Variants in DGKB observed in about 807,000 individuals in gnomAD.
DGKB encodes the protein diacylglycerol kinase beta.
In DGKB, 67 loss-of-function variants were observed where a neutral mutation model predicts 114.3. That is an observed-to-expected ratio of 0.59 (90% CI 0.48 to 0.72). The LOEUF is 0.72. Among genes scored for constraint, DGKB ranks in the 30% least tolerant of loss-of-function variants. The probability of loss-of-function intolerance (pLI) is 0.00; values close to 1 mark genes in which losing one functional copy is unlikely to be tolerated. For missense variants in DGKB, 907 were observed against 975.2 expected, an observed-to-expected ratio of 0.93 and a Z score of 0.93; for synonymous variants, 398 against 323.1, an observed-to-expected ratio of 1.23 and a Z score of -2.49.
At chr7:14,923,884 A>G (rs1339484216) in intron 1 of DGKB, among the ~76,000 whole-genome samples, 3 of 150,172 alleles carry the variant, frequency 2.0e-5, no homozygotes, top group Admixed American at 6.7e-5. Context: ...AATCCCAGCT[A>G]CTTGGGAGGC....
chr7:14,874,175 T>C (rs182112513), intron 1 of DGKB, among the ~76,000 whole-genome samples: 133 of 152,208 alleles, frequency 8.7e-4, no homozygotes, highest in African/African-American at 2.9e-3. Flanking sequence ...TTGAGAAACT[T>C]GTTTTAAAAT....
At chr7:14,916,587 TAAG>T (rs1288417500) in intron 1 of DGKB, among the ~76,000 whole-genome samples, 3 of 152,100 alleles carry the variant, frequency 2.0e-5, no homozygotes, top group Non-Finnish European at 2.9e-5. Context: ...GACAATTCCC[TAAG>T]AAGGCATAAT....
intron 19 of DGKB, 101 bp from the exon 20 acceptor site, chr7:14,574,473 G>T: frequency 1.0e-6 from 1 of 958,044 alleles, no homozygotes; most frequent in Non-Finnish European, 1.5e-6. Context: ...TATTCTAAAG[G>T]TAAATAATGA....
intron 5 of DGKB, among the ~76,000 whole-genome samples, chr7:14,723,271 A>C (rs1391411493): frequency 6.6e-6 from 1 of 152,192 alleles, no homozygotes. Flanking sequence ...TTCTAGCAGC[A>C]ATAGCCTCTG....
chr7:14,930,779 G>A (rs973684052), intron 1 of DGKB, among the ~76,000 whole-genome samples: 1 of 152,100 alleles, frequency 6.6e-6, no homozygotes, highest in African/African-American at 2.4e-5. Context: ...TCCTTGACTT[G>A]TTCCAGTTCT....
Position 14,613,416 on chromosome 7 carries a change from A to G in DGKB, c.1285-3T>C, listed in dbSNP as rs372512857. 1.3e-6 allele frequency: 2 copies of G among 1,540,962 alleles called. No homozygotes were observed. Among genetic ancestry groups the G allele is most frequent in the South Asian group, 2.4e-5 (2 of 83,246 alleles). On this transcript the variant is annotated splice_region_variant and splice_polypyrimidine_tract_variant and intron_variant, in intron 15 of 25. Coordinates refer to ENST00000402815, the MANE Select transcript of DGKB (RefSeq NM_001350709.2). ...TGAGTACCAGGCACAGGAGTGACCTATAAGAAAAGTTATATACATGGAAAA... is the reference window on the plus strand; with the variant it reads ...TGAGTACCAGGCACAGGAGTGACCTGTAAGAAAAGTTATATACATGGAAAA...
chr7:14,913,244 C>G lies in DGKB; in HGVS notation c.-188+61452G>C, dbSNP rs552780263. 2.4e-4 allele frequency among the ~76,000 whole-genome samples: 37 copies of G among 151,926 alleles called. No individual in the cohort carries two copies. The South Asian group carries it at 6.7e-3, about 27-fold the overall frequency. ...CACAGTAAACCCTTATTTCACACTC[C>G]GCTCTGTTCTCTTCTCCTCTGGAAA... is the stretch of plus-strand genomic sequence containing the variant. On this transcript the variant is annotated intron_variant, in intron 1 of 4. Transcript: ENST00000437998.
At chr7:14,478,025 T>TACACACAC (rs3839747) in intron 21 of DGKB, 136 bp downstream of exon 21, 4 of 404,780 alleles carry the variant, frequency 9.9e-6, no homozygotes, top group Non-Finnish European at 1.3e-5. Context: ...TCTTAATATT[T>TACACACAC]ACACACACAC....
chr7:14,265,731 A>G (rs1797416015), intron 23 of DGKB, among the ~76,000 whole-genome samples: 1 of 152,114 alleles, frequency 6.6e-6, no homozygotes, highest in African/African-American at 2.4e-5. Flanking sequence ...ATATACCCTC[A>G]TGGTTGACAA....
At chr7:14,947,276 T>C (rs1785936558) in intron 1 of DGKB, among the ~76,000 whole-genome samples, 1 of 151,636 alleles carries the variant, frequency 6.6e-6, no homozygotes. Flanking sequence ...TTTTAAGCCA[T>C]TTGTTATTTT....
intron 23 of DGKB, among the ~76,000 whole-genome samples, chr7:14,326,586 G>A (rs566597987): frequency 1.3e-5 from 2 of 152,168 alleles, no homozygotes; most frequent in African/African-American, 2.4e-5. Flanking sequence ...TGTAGTGGAA[G>A]GAAAGAAAAT....
intron 1 of DGKB, among the ~76,000 whole-genome samples, chr7:14,955,197 A>C (rs1182232784): frequency 6.6e-6 from 1 of 152,102 alleles, no homozygotes; most frequent in African/African-American, 2.4e-5. Context: ...CATTTGCAAG[A>C]ACAAATCTAA....
At chr7:14,573,470 T>G (rs1798676642) in intron 20 of DGKB, among the ~76,000 whole-genome samples, 4 of 24,374 alleles carry the variant, frequency 1.6e-4, no homozygotes, top group African/African-American at 1.3e-3. Flanking sequence ...TCTATCTCTG[T>G]GTGTGTGTGT....
At chr7:14,743,903 G>A (rs894403631) in intron 4 of DGKB, among the ~76,000 whole-genome samples, 4 of 152,104 alleles carry the variant, frequency 2.6e-5, no homozygotes, top group African/African-American at 7.2e-5. Flanking sequence ...TCCAATACAA[G>A]TTTCTGATAA....
At chr7:14,305,369 G>A (rs556370805) in intron 23 of DGKB, among the ~76,000 whole-genome samples, 2 of 152,138 alleles carry the variant, frequency 1.3e-5, no homozygotes, top group East Asian at 3.9e-4. Context: ...ATGTGAGTGG[G>A]AACATGTGAT....
chr7:14,692,023 A>G (rs17668719), intron 9 of DGKB, among the ~76,000 whole-genome samples: 36,027 of 151,952 alleles, frequency 0.24, 4,886 homozygotes, highest in Non-Finnish European at 0.31. Flanking sequence ...AAATAATACT[A>G]CACTAGAAAC....
intron 1 of DGKB, among the ~76,000 whole-genome samples, chr7:14,958,426 AACACACACACACACACACACACACAC>A (rs754087921): frequency 8.1e-6 from 1 of 122,816 alleles, no homozygotes; most frequent in Non-Finnish European, 1.7e-5. Flanking sequence ...TACCTCTCCC[AACACACACACACACACACACACACAC>A]ACACACACAC....
At chr7:14,277,343 T>TC (rs1225885203) in intron 23 of DGKB, among the ~76,000 whole-genome samples, 1 of 151,900 alleles carries the variant, frequency 6.6e-6, no homozygotes, top group Non-Finnish European at 1.5e-5. Flanking sequence ...GGTAATTTTT[T>TC]TTTCTTTTTT....
intron 6 of DGKB, among the ~76,000 whole-genome samples, chr7:14,710,485 AT>A (rs1226734838): frequency 6.6e-6 from 1 of 152,060 alleles, no homozygotes; most frequent in African/African-American, 2.4e-5. Context: ...AACTTCATGG[AT>A]TTTTCTTGCC....
Sources: gnomAD v4.1 joint callset for allele counts (sites outside exome capture counted in the v4.1 genomes callset) on GRCh38, gnomAD v4.1.1 for gene constraint, MANE v1.5 for transcripts, NCBI Gene and HGNC (gene_info 2026-07-23, HGNC 2026-07-21) for gene names.